Variants in ITIH2 observed in about 807,000 individuals in gnomAD.
ITIH2 encodes the protein inter-alpha-trypsin inhibitor heavy chain 2.
ITIH2 carries 103 observed loss-of-function variants against 104.4 expected under a neutral mutation model. The ratio of observed to expected loss-of-function variants is 0.99; its 90% CI spans 0.84 to 1.16. The LOEUF (loss-of-function observed/expected upper bound fraction) is 1.16, where lower values mean the gene tolerates loss of function less well. Among genes scored for constraint, ITIH2 ranks in the 50% most tolerant of loss-of-function variants. ITIH2 has a pLI of 0.00. For missense variants in ITIH2, 1,108 were observed against 1,162.4 expected (o/e 0.95, Z 0.68); for synonymous variants, 436 against 435.4 (o/e 1.00, Z -0.02).
intron 12 of ITIH2, among the ~76,000 whole-genome samples, chr10:7,731,390 GT>G (rs1167139776): frequency 1.3e-5 from 2 of 152,086 alleles, no homozygotes; most frequent in African/African-American, 4.8e-5. Context: ...AACGTCCTGT[GT>G]GAATAAATTA....
rs201601009 is a variant in ITIH2, at chr10:7,721,704, G to A, written c.794G>A (p.Arg265Gln). ...CAGCAGAGAATATGCCCTAACTGCC[G>A]GGAGACTGCGGTAGATGGGGAACTG... Reference protein sequence around the residue: ...VAQQRICPNCRETAVDGELVV... With the variant: ...VAQQRICPNCQETAVDGELVV... The change falls in exon 8 of 21, where the codon CGG becomes CAG. Residue 265 changes from arginine to glutamine, a missense_variant. By Grantham distance (43) the Arg-to-Gln change is conservative. Coordinates refer to ENST00000358415, the MANE Select transcript of ITIH2 (RefSeq NM_002216.3). 2.4e-5 allele frequency: 38 copies of A among 1,613,850 alleles called. No homozygotes were observed. The highest frequency in any genetic ancestry group is 8.0e-5 in the African/African-American group (6 of 75,002).
At chr10:7,718,439 G>T (rs927913) in intron 6 of ITIH2, among the ~76,000 whole-genome samples, 26,096 of 152,128 alleles carry the variant, frequency 0.17, 2,358 homozygotes, top group Admixed American at 0.22. Flanking sequence ...TTCAACCCAA[G>T]ACACTAATCT....
intron 6 of ITIH2, among the ~76,000 whole-genome samples, chr10:7,720,555 C>T (rs1834892511): frequency 6.6e-6 from 1 of 151,906 alleles, no homozygotes; most frequent in African/African-American, 2.4e-5. Flanking sequence ...TCTTTTTTTC[C>T]CTAACAATGC....
chr10:7,738,663 C>T lies in ITIH2; in HGVS notation c.2000C>T (p.Pro667Leu), dbSNP rs1179672436. 3.1e-6 allele frequency: 5 copies of T among 1,613,888 alleles called. No homozygotes were observed. The highest frequency in any genetic ancestry group is 2.2e-5 in the East Asian group (1 of 44,818). The part of the protein sequence containing the change: ...YGSKVVPDST[P>L]SWANPSPTPV... ...AGCAAAGTGGTTCCAGATTCCACCC[C>T]GTCTTGGGCCAATCCTTCACCAACG... The change falls in exon 16 of 21, where the codon CCG becomes CTG. Residue 667 changes from proline to leucine, a missense_variant. Transcript: ENST00000358415.
rs563224025 is a variant in ITIH2 at position 7,733,134 on chromosome 10, AC to A, written c.1787+663del. ...GTTCCCTTGTTCTCCCTCAACACCC[AC>A]CCCCCTCCTCCACTGTAACCACTCT... On this transcript the variant is annotated intron_variant, in intron 14 of 20. Transcript: ENST00000358415. Among the ~76,000 whole-genome samples the A allele has an allele frequency of 5.8e-3, 867 of 150,014 alleles. 3 individuals are homozygous for A. The highest frequency in any genetic ancestry group is 0.02 in the African/African-American group (820 of 40,812).
At chr10:7,705,035 C>T (rs1834732569) in intron 1 of ITIH2, 73 bp from the exon 2 acceptor site, 14 of 948,274 alleles carry the variant, frequency 1.5e-5, no homozygotes, top group South Asian at 1.0e-4. Context: ...CAAATCTGCA[C>T]GTTGTGCACA....
chr10:7,709,077 C>T lies in ITIH2; in HGVS notation c.248C>T (p.Ser83Phe). 1 of 1,614,044 alleles carries T rather than the reference C, an allele frequency of 6.2e-7. No individual in the cohort carries two copies. The highest frequency in any genetic ancestry group is 8.5e-7 in the Non-Finnish European group (1 of 1,179,944). The stretch of plus-strand genomic sequence containing the variant: ...TATAAAGTCCAGTCTACTATTACTT[C>T]TCGGATGGCCACCACCATGATCCAG... ...YSYKVQSTITSRMATTMIQSK... is the reference protein window; with the variant it reads ...YSYKVQSTITFRMATTMIQSK... The change falls in exon 4 of 21, where the codon TCT becomes TTT. Residue 83 changes from serine (S) to phenylalanine (F), a missense_variant. Transcript: ENST00000358415.
At chr10:7,713,885 T>G (rs544295660) in intron 5 of ITIH2, among the ~76,000 whole-genome samples, 19 of 152,096 alleles carry the variant, frequency 1.2e-4, no homozygotes, top group African/African-American at 4.6e-4. Context: ...TTAGTTTTTG[T>G]AGAGATAAGG....
Position 7,744,257 on chromosome 10 carries a change from C to T in ITIH2, c.2385C>T (p.Asp795=). 1 of 1,614,056 alleles carries T rather than the reference C, an allele frequency of 6.2e-7. No homozygotes were observed. ...GCACATTCTCCTTGTCCTGGTCCGA[C>T]ACGGCTCAAGTCACGAATCAGAGGC... The part of the protein sequence containing the change: ...GSSTFSLSWS[D]TAQVTNQRVQ... Residue 795 remains aspartate (D), a synonymous_variant, in exon 18 of 21, where the codon GAC becomes GAT. Transcript: ENST00000358415.
At chr10:7,707,482 A>G (rs1429822708) in intron 3 of ITIH2, among the ~76,000 whole-genome samples, 2 of 152,060 alleles carry the variant, frequency 1.3e-5, no homozygotes. Context: ...GCCATATATC[A>G]TAGGTTCCTT....
rs150313374 is a variant in ITIH2 at position 7,730,097 on chromosome 10, G to C, written c.1425G>C (p.Arg475Ser). ...LSNENHGIAQ[R>S]IYGNQDTSSQ... ...ATGAAAACCATGGAATTGCACAAAG[G>C]ATTTATGGAAACCAGGACACGTCTT... is the stretch of plus-strand genomic sequence containing the variant. Residue 475 changes from arginine to serine, a missense_variant, in exon 12 of 21, where the codon AGG becomes AGC. Coordinates refer to ENST00000358415, the MANE Select transcript of ITIH2 (RefSeq NM_002216.3). 1.8e-5 allele frequency: 29 copies of C among 1,609,104 alleles called. No individual in the cohort carries two copies. The East Asian group carries it at 6.0e-4, about 33-fold the overall frequency.
At chr10:7,727,565 C>T in intron 10 of ITIH2, 138 bp from the exon 11 acceptor site, 2 of 1,022,974 alleles carry the variant, frequency 2.0e-6, no homozygotes, top group Non-Finnish European at 2.9e-6. Context: ...TTGTGTCACT[C>T]AGAAAGCAAT....
rs747530298 is a variant in ITIH2, at chr10:7,709,025, G to T, written c.196G>T (p.Glu66Ter). The T allele has an allele frequency of 6.2e-7, 1 of 1,613,586 alleles. No homozygotes were observed. Among genetic ancestry groups the T allele is most frequent in the South Asian group, 1.1e-5 (1 of 91,054 alleles). ...TATGCTTTCTTGCCAATTTCAGGAAGAGGTTGATCAAGTAACTCTTTATAG... is the reference window on the plus strand; with the variant it reads ...TATGCTTTCTTGCCAATTTCAGGAATAGGTTGATCAAGTAACTCTTTATAG... ...LPGESEEMME[E>*]VDQVTLYSYK... Residue 66 changes from glutamate to a stop codon, truncating the protein, a stop_gained, in exon 4 of 21, where the codon GAG becomes TAG. Transcript: ENST00000358415. LOFTEE classifies it high-confidence loss of function.
Position 7,703,360 on chromosome 10 carries a change from C to A in ITIH2, c.-75C>A. On this transcript the variant is annotated 5_prime_UTR_variant, in exon 1 of 21. Transcript: ENST00000358415. ...TGTACTCCTCTGCTGTTCCTTTGAA[C>A]TTGGTTCAGTAGGAAGAAGTGATAT... The A allele has an allele frequency of 1.0e-6, 1 of 958,876 alleles. No individual in the cohort carries two copies. Among genetic ancestry groups the A allele is most frequent in the Non-Finnish European group, 1.7e-6 (1 of 587,136 alleles). The allele number at this position is 958,876 out of a possible 1,614,324, so 59.4% of individuals were successfully genotyped here.
At chr10:7,740,948 C>A (rs942209328) in intron 16 of ITIH2, among the ~76,000 whole-genome samples, 4 of 152,138 alleles carry the variant, frequency 2.6e-5, no homozygotes, top group South Asian at 4.1e-4. Flanking sequence ...TGTGCTGACT[C>A]ATTTAAACAT....
Position 7,749,504 on chromosome 10 carries a change from A to C in ITIH2, c.*170A>C. ...AGCCTGTAAACACACCTAAGAAAATAAACATTTTACAAATGAGCTTTTAGG... is the reference window on the plus strand; with the variant it reads ...AGCCTGTAAACACACCTAAGAAAATCAACATTTTACAAATGAGCTTTTAGG... On this transcript the variant is annotated 3_prime_UTR_variant, in exon 21 of 21. Transcript: ENST00000358415. 1 of 533,330 alleles carries C rather than the reference A, an allele frequency of 1.9e-6. No homozygotes were observed. The highest frequency in any genetic ancestry group is 3.0e-5 in the East Asian group (1 of 33,458). The allele number at this position is 533,330 out of a possible 1,614,324, so 33.0% of individuals were successfully genotyped here.
chr10:7,745,224 A>G (rs534772406), intron 19 of ITIH2, among the ~76,000 whole-genome samples: 61 of 152,318 alleles, frequency 4.0e-4, no homozygotes, highest in African/African-American at 1.3e-3. Flanking sequence ...GTTTTATGTT[A>G]AAGATTTTTT....
At position 7,743,301 on chromosome 10, in the gene ITIH2, G is replaced by A. The variant is rs79603665; in HGVS notation, c.2209+42G>A. The A allele has an allele frequency of 2.0e-4, 201 of 1,026,502 alleles. 4 individuals carry two copies. The highest frequency in any genetic ancestry group is 1.1e-3 in the East Asian group (43 of 40,666). 63.6% of individuals were successfully genotyped at this position (1,026,502 alleles called of 1,614,324 possible). ...TTATATTTGCACCAATTAGGTCATT[G>A]TCATGCTTTCCTGTCACTGCCTGGG... is the stretch of plus-strand genomic sequence containing the variant. On this transcript the variant is annotated intron_variant, in intron 17 of 20. Coordinates refer to ENST00000358415, the MANE Select transcript of ITIH2 (RefSeq NM_002216.3).
rs73621280 is a variant in ITIH2, at chr10:7,714,078, G to C, written c.467+793G>C. Among the ~76,000 whole-genome samples the C allele has an allele frequency of 7.4e-3, 1,121 of 150,986 alleles. 7 individuals are homozygous for C. The highest frequency in any genetic ancestry group is 0.026 in the African/African-American group (1,084 of 41,092). On this transcript the variant is annotated intron_variant, in intron 5 of 20. Transcript: ENST00000358415. ...TCTAAGTAAGACCTGGGAATGCCAAGCCACCCTCAAAAAGTAGCTTCTCTT... is the reference window on the plus strand; with the variant it reads ...TCTAAGTAAGACCTGGGAATGCCAACCCACCCTCAAAAAGTAGCTTCTCTT...
Sources: allele counts gnomAD v4.1 joint callset (sites outside exome capture counted in the v4.1 genomes callset), GRCh38; gene constraint gnomAD v4.1.1; transcripts MANE v1.5; gene names NCBI Gene and HGNC (gene_info 2026-07-23, HGNC 2026-07-21).